The following ZNF43 variants were observed in gnomAD, a reference collection of about 807,000 sequenced individuals.
ZNF43 encodes the protein zinc finger protein 39-like 1 (KOX 27).
ZNF43 carries 44 observed loss-of-function variants against 68.4 expected under a neutral mutation model. The ratio of observed to expected loss-of-function variants is 0.64; its 90% CI spans 0.51 to 0.83. The LOEUF is 0.83. Among genes scored for constraint, ZNF43 ranks in the 40% least tolerant of loss-of-function variants. The probability of loss-of-function intolerance (pLI) is 0.00; values close to 1 mark genes in which losing one functional copy is unlikely to be tolerated. For synonymous variants in ZNF43, 308 were observed against 307.8 expected (o/e 1.00, Z -0.01); for missense variants, 896 against 933.2 (o/e 0.96, Z 0.52).
At chr19:21,812,009 G>A (rs939365267) in intron 3 of ZNF43, 19 of 398,322 alleles carry the variant, frequency 4.8e-5, no homozygotes, top group Non-Finnish European at 7.1e-5. Flanking sequence ...ACTATACCTC[G>A]AAATTACTGT....
At chr19:21,824,695 G>C (rs2038022235) in intron 1 of ZNF43, among the ~76,000 whole-genome samples, 1 of 138,108 alleles carries the variant, frequency 7.2e-6, no homozygotes, top group Non-Finnish European at 1.5e-5. Flanking sequence ...TCCCCTCATA[G>C]AGGCTGCTGT....
rs1568343438 is a variant in ZNF43, at chr19:21,808,887, T to C, written c.1150A>G (p.Asn384Asp). 1.2e-6 allele frequency: 2 copies of C among 1,613,842 alleles called. No individual in the cohort carries two copies. Among genetic ancestry groups the C allele is most frequent in the Non-Finnish European group, 1.7e-6 (2 of 1,179,838 alleles). Residue 384 changes from asparagine (N) to aspartate (D), a missense_variant, in exon 4 of 4, where the codon AAC becomes GAC. Asn to Asp is a conservative substitution (Grantham distance 23). Transcript: ENST00000354959. ...ECGEAFSRSS[N>D]LTKHKKIHTE... is the part of the protein sequence containing the mutation. ...TGAATTTTCTTATGTTTAGTAAGGT[T>C]TGAGGACCGGCTAAAAGCTTCACCA...
At chr19:21,844,015 T>C (rs909431222) in intron 1 of ZNF43, among the ~76,000 whole-genome samples, 6 of 152,112 alleles carry the variant, frequency 3.9e-5, no homozygotes, top group Admixed American at 2.0e-4. Flanking sequence ...TGCTGGGCCA[T>C]GTAAGGGCAC....
chr19:21,851,859 C>G (rs1183078615), intron 1 of ZNF43: 1 of 1,543,648 alleles, frequency 6.5e-7, no homozygotes, highest in African/African-American at 1.4e-5. Flanking sequence ...CCGCCACTTT[C>G]ACAGCCTGCT....
In ZNF43 at chr19:21,806,639, A is replaced by C. The variant is rs999898970; in HGVS notation, c.*968T>G. The C allele has an allele frequency of 6.6e-6, 1 of 152,128 alleles. No individual in the cohort carries two copies. Among genetic ancestry groups the C allele is most frequent in the Non-Finnish European group, 1.5e-5 (1 of 68,034 alleles). 9.4% of individuals were successfully genotyped at this position (152,128 alleles called of 1,614,324 possible). On this transcript the variant is annotated 3_prime_UTR_variant, in exon 4 of 4. Coordinates refer to ENST00000354959, the MANE Select transcript of ZNF43 (RefSeq NM_003423.4). Reference sequence around the variant, plus strand: ...AGTTATTTGAGAGTTTAATTACATCATTATTCACTAATTTAAAAATCAGTA... The same window carrying C: ...AGTTATTTGAGAGTTTAATTACATCCTTATTCACTAATTTAAAAATCAGTA...
intron 1 of ZNF43, among the ~76,000 whole-genome samples, chr19:21,847,834 TTTTTA>T (rs1968071569): frequency 1.3e-5 from 2 of 152,088 alleles, no homozygotes; most frequent in African/African-American, 4.8e-5. Context: ...AACAATTTCT[TTTTTA>T]TTTTTATTTT....
At chr19:21,831,789 T>C (rs2038436999) in intron 1 of ZNF43, among the ~76,000 whole-genome samples, 1 of 152,122 alleles carries the variant, frequency 6.6e-6, no homozygotes, top group Non-Finnish European at 1.5e-5. Flanking sequence ...AACAATCCTA[T>C]TTGCCACAAA....
At chr19:21,822,466 G>C (rs1181965799) in intron 1 of ZNF43, among the ~76,000 whole-genome samples, 1 of 148,888 alleles carries the variant, frequency 6.7e-6, no homozygotes, top group African/African-American at 2.5e-5. Flanking sequence ...CCTCCAAAAG[G>C]GGTGAATCTG....
Position 21,809,570 on chromosome 19 carries a change from T to C in ZNF43, c.467A>G (p.His156Arg), listed in dbSNP as rs1333463284. The change falls in exon 4 of 4, where the codon CAT (histidine) becomes CGT (arginine). Residue 156 changes from histidine to arginine, a missense_variant. His to Arg is a conservative substitution (Grantham distance 29). Transcript: ENST00000354959. ...ATGTCTGTTTGAATTTGAAAATTTA[T>C]GAAAGGCTTTCACACATTTATCAAA... Reference protein sequence around the residue: ...FLFDKCVKAFHKFSNSNRHKI... With the variant: ...FLFDKCVKAFRKFSNSNRHKI... 6.2e-7 allele frequency: 1 copy of C among 1,611,778 alleles called. No homozygotes were observed. Among genetic ancestry groups the C allele is most frequent in the Non-Finnish European group, 8.5e-7 (1 of 1,179,196 alleles).
At chr19:21,834,806 A>G (rs1057154057) in intron 1 of ZNF43, among the ~76,000 whole-genome samples, 3 of 151,902 alleles carry the variant, frequency 2.0e-5, no homozygotes, top group African/African-American at 7.3e-5. Context: ...AGAAAGAAGA[A>G]GGAAAGAAGA....
chr19:21,829,553 G>C (rs1190286472), intron 1 of ZNF43, among the ~76,000 whole-genome samples: 1 of 152,014 alleles, frequency 6.6e-6, no homozygotes, highest in East Asian at 1.9e-4. Context: ...ATGAATCTGA[G>C]GTCTTAAATA....
At chr19:21,834,761 G>C (rs1428828358) in intron 1 of ZNF43, among the ~76,000 whole-genome samples, 1 of 148,600 alleles carries the variant, frequency 6.7e-6, no homozygotes, top group East Asian at 2.0e-4. Context: ...TGGAAGCAAG[G>C]ATGGAAAGAT....
At chr19:21,834,155 T>C (rs1399601213) in intron 1 of ZNF43, among the ~76,000 whole-genome samples, 1 of 151,182 alleles carries the variant, frequency 6.6e-6, no homozygotes, top group Non-Finnish European at 1.5e-5. Context: ...CTGGTCAACA[T>C]GGAAAAACCT....
At chr19:21,830,892 A>T (rs945332560) in intron 1 of ZNF43, among the ~76,000 whole-genome samples, 1 of 152,234 alleles carries the variant, frequency 6.6e-6, no homozygotes, top group Non-Finnish European at 1.5e-5. Flanking sequence ...CACATCAAAA[A>T]GCTAATCTAC....
chr19:21,805,224 G>A lies in ZNF43; in HGVS notation c.*2383C>T, dbSNP rs943802088. 1 of 151,684 alleles carries A rather than the reference G, an allele frequency of 6.6e-6. No individual in the cohort carries two copies. Among genetic ancestry groups the A allele is most frequent in the African/African-American group, 2.4e-5 (1 of 40,966 alleles). 9.4% of individuals were successfully genotyped at this position (151,684 alleles called of 1,614,324 possible). ...CTCATGCCTGTGGTCCCAGAACTCT[G>A]GGAGGCCGAGGCAGGCAGATCATGA... On this transcript the variant is annotated 3_prime_UTR_variant, in exon 4 of 4. Coordinates refer to ENST00000354959, the MANE Select transcript of ZNF43 (RefSeq NM_003423.4).
intron 1 of ZNF43, among the ~76,000 whole-genome samples, chr19:21,822,319 T>A (rs2037891013): frequency 3.4e-5 from 2 of 58,976 alleles, no homozygotes; most frequent in East Asian, 9.0e-4. Flanking sequence ...TGTGTATGTA[T>A]CTTGAACCTT....
intron 1 of ZNF43, among the ~76,000 whole-genome samples, chr19:21,848,704 G>A (rs1466824367): frequency 6.6e-6 from 1 of 152,196 alleles, no homozygotes; most frequent in East Asian, 1.9e-4. Flanking sequence ...AACCACACCT[G>A]CAGAAAGGTC....
upstream of ZNF43, chr19:21,837,917 C>T (rs894081000): frequency 3.9e-5 from 6 of 152,254 alleles, no homozygotes; most frequent in Non-Finnish European, 7.3e-5. Context: ...TAATGCAGGA[C>T]AACTTGAGGT....
At chr19:21,829,026 CTG>C (rs1311963852) in intron 1 of ZNF43, among the ~76,000 whole-genome samples, 3 of 88,098 alleles carry the variant, frequency 3.4e-5, no homozygotes, top group East Asian at 6.9e-4. Context: ...GAGAGAGACT[CTG>C]TCTCAAAAAA....
Sources: gnomAD v4.1 joint callset for allele counts (sites outside exome capture counted in the v4.1 genomes callset) on GRCh38, gnomAD v4.1.1 for gene constraint, MANE v1.5 for transcripts, NCBI Gene and HGNC (gene_info 2026-07-23, HGNC 2026-07-21) for gene names.